CFAP92: variants seen among roughly 807,000 people sequenced by gnomAD.
CFAP92 encodes the protein cilia and flagella associated protein 92 (putative).
A neutral mutation model predicts 106.3 loss-of-function variants in CFAP92; 86 were observed. The ratio of observed to expected loss-of-function variants is 0.81; its 90% confidence interval spans 0.68 to 0.97. The LOEUF (loss-of-function observed/expected upper bound fraction) is 0.97. Among genes scored for constraint, CFAP92 ranks in the 50% least tolerant of loss-of-function variants. The pLI is 0.00. For synonymous variants in CFAP92, 477 were observed against 506.4 expected, an observed-to-expected ratio of 0.94 and a Z score of 0.78; for missense variants, 1,204 against 1,283.8, an observed-to-expected ratio of 0.94 and a Z score of 0.95.
chr3:128,963,344 G>T (rs544817523), intron 9 of CFAP92, among the ~76,000 whole-genome samples: 1 of 152,108 alleles, frequency 6.6e-6, no homozygotes, highest in Non-Finnish European at 1.5e-5. Flanking sequence ...TCATGTCTGC[G>T]TGCAGCGGCT....
chr3:129,001,540 C>T, intron 1 of CFAP92: 1 of 1,342,374 alleles, frequency 7.4e-7, no homozygotes, highest in Non-Finnish European at 9.5e-7. Flanking sequence ...CTAAGCCCCT[C>T]CTTTCGAGAA....
intron 2 of CFAP92, among the ~76,000 whole-genome samples, chr3:128,992,594 G>C (rs1461076747): frequency 6.7e-6 from 1 of 148,592 alleles, no homozygotes; most frequent in African/African-American, 2.5e-5. Context: ...TTTTTTTTTT[G>C]ACAGAGTTTT....
intron 8 of CFAP92, 155 bp downstream of exon 8, chr3:128,971,132 T>C: frequency 1.7e-6 from 2 of 1,193,380 alleles, no homozygotes; most frequent in Non-Finnish European, 2.4e-6. Context: ...TGTTTCCCCC[T>C]GTACTATGAA....
intron 15 of CFAP92, among the ~76,000 whole-genome samples, chr3:128,911,595 G>T (rs1164431172): frequency 6.6e-6 from 1 of 151,720 alleles, no homozygotes; most frequent in Non-Finnish European, 1.5e-5. Context: ...GCACCACCAT[G>T]CCCAGCTAAT....
intron 4 of CFAP92, among the ~76,000 whole-genome samples, chr3:128,981,053 T>C (rs1010577416): frequency 2.6e-5 from 4 of 151,718 alleles, no homozygotes; most frequent in Non-Finnish European, 4.4e-5. Flanking sequence ...TTTTTTTTTT[T>C]CGAGGCAGAG....
At chr3:128,970,149 G>C (rs1942677650) in intron 8 of CFAP92, 1 of 152,316 alleles carries the variant, frequency 6.6e-6, no homozygotes, top group African/African-American at 2.4e-5. Context: ...TAGCTATGCG[G>C]GTGGCAGAGG....
intron 13 of CFAP92, 81 bp downstream of exon 13, chr3:128,916,026 C>CA: frequency 9.8e-7 from 1 of 1,016,440 alleles, no homozygotes; most frequent in Non-Finnish European, 1.3e-6. Context: ...TGAGATCCCC[C>CA]ACTGACCTCC....
At chr3:129,016,487 C>T in the CFAP92 span, among the ~76,000 whole-genome samples, 1 of 149,678 alleles carries the variant, frequency 6.7e-6, no homozygotes, top group East Asian at 2.1e-4. Flanking sequence ...GCAGGTGGAG[C>T]TCATGGGCAC....
At chr3:128,946,182 C>T (rs990079959) in intron 9 of CFAP92, among the ~76,000 whole-genome samples, 2 of 152,016 alleles carry the variant, frequency 1.3e-5, no homozygotes, top group Non-Finnish European at 2.9e-5. Flanking sequence ...ACCAGGATGG[C>T]GACTGGCATG....
chr3:128,949,760 C>T (rs1576482626), intron 9 of CFAP92, among the ~76,000 whole-genome samples: 1 of 152,230 alleles, frequency 6.6e-6, no homozygotes, highest in South Asian at 2.1e-4. Context: ...GATCTTGGCT[C>T]ACGGCAACCT....
chr3:128,949,330 C>T (rs1013623340), intron 9 of CFAP92, among the ~76,000 whole-genome samples: 4 of 152,142 alleles, frequency 2.6e-5, no homozygotes, highest in Admixed American at 6.5e-5. Context: ...GATGAGTGCA[C>T]GAACAAACTG....
chr3:128,938,265 A>T (rs1446038453), intron 10 of CFAP92, among the ~76,000 whole-genome samples: 1 of 152,062 alleles, frequency 6.6e-6, no homozygotes, highest in Admixed American at 6.6e-5. Flanking sequence ...AAAAAGCTCA[A>T]AAAAACGACA....
At chr3:128,988,542 CAA>C (rs367690550) in intron 3 of CFAP92, among the ~76,000 whole-genome samples, 184 bp downstream of exon 3, 3 of 136,420 alleles carry the variant, frequency 2.2e-5, no homozygotes, top group Non-Finnish European at 4.8e-5. Flanking sequence ...TCTGACTCAA[CAA>C]AAAAAAAAAA....
chr3:128,961,284 A>C (rs115716464), intron 9 of CFAP92, among the ~76,000 whole-genome samples: 1,673 of 152,078 alleles, frequency 0.011, 35 homozygotes, highest in African/African-American at 0.038. Flanking sequence ...TGCCCAGGGC[A>C]ACTCCTCCCA....
intron 9 of CFAP92, among the ~76,000 whole-genome samples, chr3:128,958,393 A>G (rs1941612778): frequency 6.6e-6 from 1 of 152,214 alleles, no homozygotes; most frequent in African/African-American, 2.4e-5. Context: ...TACATGTACA[A>G]TAAAATGGCA....
At chr3:128,932,378 T>TAA (rs1553743577) in intron 12 of CFAP92, among the ~76,000 whole-genome samples, 1 of 147,482 alleles carries the variant, frequency 6.8e-6, no homozygotes, top group Admixed American at 6.8e-5. Context: ...AGCAACATGT[T>TAA]ACACACACAC....
upstream of CFAP92, chr3:129,003,983 C>G: frequency 2.0e-6 from 3 of 1,497,640 alleles, no homozygotes; most frequent in African/African-American, 2.9e-5. Context: ...GCTGCGCAGC[C>G]TGCACCGCGT....
At chr3:128,912,644 A>AC (rs565291755) in intron 15 of CFAP92, 8 of 1,538,332 alleles carry the variant, frequency 5.2e-6, no homozygotes, top group Non-Finnish European at 7.2e-6. Flanking sequence ...GCCCGCCCCT[A>AC]CCCATGGCCC....
chr3:128,924,263 G>C lies in CFAP92; in HGVS notation c.2752-7992C>G, dbSNP rs139619088. Among the ~76,000 whole-genome samples, 59 of 151,796 alleles carry C rather than the reference G, an allele frequency of 3.9e-4. 2 individuals are homozygous for C. In the East Asian group the frequency reaches 0.011, roughly 27 times the overall value. On this transcript the variant is annotated intron_variant, in intron 12 of 15. Transcript: ENST00000645291. Reference sequence around the variant, plus strand: ...TGGAACACCAAGCTCTGTGCCAAAGGGTGGAAGGCTGCCCTGCTGCACCAC... The same window carrying C: ...TGGAACACCAAGCTCTGTGCCAAAGCGTGGAAGGCTGCCCTGCTGCACCAC...
Sources: gnomAD v4.1 joint callset for allele counts (sites outside exome capture counted in the v4.1 genomes callset) on GRCh38, gnomAD v4.1.1 for gene constraint, MANE v1.5 for transcripts, NCBI Gene and HGNC (gene_info 2026-07-23, HGNC 2026-07-21) for gene names.